ALG14: variants seen among roughly 807,000 people sequenced by gnomAD.
ALG14 encodes UDP-N-acetylglucosamine transferase subunit ALG14.
Under a neutral mutation model 22.8 loss-of-function variants are expected in ALG14, and 17 were observed. The ratio of observed to expected loss-of-function variants is 0.75; its 90% CI spans 0.51 to 1.12. ALG14 has a LOEUF of 1.12. Among genes scored for constraint, ALG14 ranks in the 50% most tolerant of loss-of-function variants. The pLI is 0.00. For synonymous variants in ALG14, 89 were observed against 103.7 expected (o/e 0.86, Z 0.86); for missense variants, 288 against 271.8 (o/e 1.06, Z -0.42).
At chr1:95,005,334 C>T (rs1213232770) in intron 3 of ALG14, among the ~76,000 whole-genome samples, 1 of 149,568 alleles carries the variant, frequency 6.7e-6, no homozygotes, top group African/African-American at 2.6e-5. Flanking sequence ...TTACAACAGC[C>T]AGGTGAACAT....
chr1:94,982,883 T>C lies in ALG14; in HGVS notation c.*193A>G. The C allele has an allele frequency of 1.7e-6, 1 of 577,044 alleles. No individual in the cohort carries two copies. Among genetic ancestry groups the C allele is most frequent in the Non-Finnish European group, 3.0e-6 (1 of 328,330 alleles). The allele number at this position is 577,044 out of a possible 1,614,324, so 35.7% of individuals were successfully genotyped here. On this transcript the variant is annotated 3_prime_UTR_variant, in exon 4 of 4. Transcript: ENST00000370205. Reference sequence around the variant, plus strand: ...GAGGCATAAACATTTAGTAGTTACGTTTATCAATGTTTGTTTCATAAGAGA... The same window carrying C: ...GAGGCATAAACATTTAGTAGTTACGCTTATCAATGTTTGTTTCATAAGAGA...
At chr1:95,053,466 A>G (rs887346541) in intron 2 of ALG14, among the ~76,000 whole-genome samples, 3 of 152,238 alleles carry the variant, frequency 2.0e-5, no homozygotes, top group African/African-American at 7.2e-5. Context: ...GAATGCAAAA[A>G]TATGTACAGA....
At chr1:95,048,292 GT>G (rs1238515989) in intron 2 of ALG14, among the ~76,000 whole-genome samples, 17 of 152,232 alleles carry the variant, frequency 1.1e-4, no homozygotes, top group Admixed American at 5.2e-4. Context: ...AACTTCTATT[GT>G]TGTTTTATAT....
At position 95,025,917 on chromosome 1, in the gene ALG14, C is replaced by T. The variant is rs147656315; in HGVS notation, c.420+1212G>A. 2.9e-3 allele frequency among the ~76,000 whole-genome samples: 442 copies of T among 152,274 alleles called. 7 individuals are homozygous for T. Among genetic ancestry groups the T allele is most frequent in the African/African-American group, 0.01 (421 of 41,558 alleles). ...CTATGTCATGTACTTATCGTGAAAC[C>T]AGTGTGTTCACAGGAGTAGCACTTT... On this transcript the variant is annotated intron_variant, in intron 3 of 3. Coordinates refer to ENST00000370205, the MANE Select transcript of ALG14 (RefSeq NM_144988.4).
At chr1:95,049,765 G>A (rs1392240584) in intron 2 of ALG14, among the ~76,000 whole-genome samples, 1 of 151,894 alleles carries the variant, frequency 6.6e-6, no homozygotes, top group African/African-American at 2.4e-5. Flanking sequence ...CAGCTACTTG[G>A]GGGGCTGAGA....
At chr1:95,040,945 A>G (rs964083331) in intron 2 of ALG14, among the ~76,000 whole-genome samples, 2 of 152,224 alleles carry the variant, frequency 1.3e-5, no homozygotes, top group Non-Finnish European at 2.9e-5. Context: ...ACATGATTTA[A>G]AGAAAGTTTA....
intron 2 of ALG14, among the ~76,000 whole-genome samples, chr1:95,038,716 G>GTTTTTTT (rs71097229): frequency 1.6e-5 from 2 of 121,488 alleles, no homozygotes; most frequent in Non-Finnish European, 3.4e-5. Flanking sequence ...AAACTATAAG[G>GTTTTTTT]TTTTTTTTTT....
chr1:94,996,601 C>T (rs1248544925), intron 3 of ALG14, among the ~76,000 whole-genome samples: 2 of 152,228 alleles, frequency 1.3e-5, no homozygotes, highest in African/African-American at 4.8e-5. Flanking sequence ...GGAGTCATCT[C>T]TTAGAAGGCA....
chr1:95,052,543 C>T (rs570422172), intron 2 of ALG14, among the ~76,000 whole-genome samples: 2 of 152,156 alleles, frequency 1.3e-5, no homozygotes, highest in South Asian at 2.1e-4. Flanking sequence ...TAACTAGTTA[C>T]TCATGTTAAC....
chr1:95,031,728 C>T (rs1674010496), intron 2 of ALG14, among the ~76,000 whole-genome samples: 1 of 150,994 alleles, frequency 6.6e-6, no homozygotes, highest in Non-Finnish European at 1.5e-5. Flanking sequence ...TTTAAAATAA[C>T]ATCTACTATA....
intron 1 of ALG14, 107 bp from the exon 2 acceptor site, chr1:95,065,124 T>G (rs1297883825): frequency 3.3e-6 from 3 of 909,024 alleles, no homozygotes; most frequent in Non-Finnish European, 4.8e-6. Flanking sequence ...GGGGGGGCAC[T>G]GTAATTGTAT....
chr1:95,008,940 C>G (rs1286832136), intron 3 of ALG14, among the ~76,000 whole-genome samples: 1 of 152,074 alleles, frequency 6.6e-6, no homozygotes, highest in Non-Finnish European at 1.5e-5. Flanking sequence ...TTTGTGCTGG[C>G]TTATTACCAT....
intron 3 of ALG14, among the ~76,000 whole-genome samples, chr1:94,988,042 G>A (rs1435598745): frequency 6.6e-6 from 1 of 152,202 alleles, no homozygotes; most frequent in Non-Finnish European, 1.5e-5. Context: ...TGAGCTCCTG[G>A]GGCCATGGAT....
rs535713753 is a variant in ALG14, at chr1:95,072,799, G to T, written c.100C>A (p.Arg34=). 1 of 1,614,090 alleles carries T rather than the reference G, an allele frequency of 6.2e-7. No individual in the cohort carries two copies. The highest frequency in any genetic ancestry group is 2.2e-5 in the East Asian group (1 of 44,870). ...VVLRSMDVTP[R]ESLSILVVAG... Reference sequence around the variant, plus strand: ...ACTACCAAGATACTGAGAGACTCCCGGGGCGTAACGTCCATGGAACGAAGC... The same window carrying T: ...ACTACCAAGATACTGAGAGACTCCCTGGGCGTAACGTCCATGGAACGAAGC... The change falls in exon 1 of 4, where the codon CGG becomes AGG. Residue 34 remains arginine (R), a synonymous_variant. Coordinates refer to ENST00000370205, the MANE Select transcript of ALG14 (RefSeq NM_144988.4).
chr1:94,998,693 C>T (rs1474490725), intron 3 of ALG14, among the ~76,000 whole-genome samples: 1 of 152,180 alleles, frequency 6.6e-6, no homozygotes, highest in Non-Finnish European at 1.5e-5. Context: ...ACTTGGCCTT[C>T]AGACTTTGGG....
chr1:95,070,928 A>G lies in ALG14; in HGVS notation c.136+1835T>C, dbSNP rs538586877. ...TTTATTTATTTATTTTAATGTAGAG[A>G]CAGGGTTTCACTATGTTGCCCAGGC... is the stretch of plus-strand genomic sequence containing the variant. On this transcript the variant is annotated intron_variant, in intron 1 of 3. Transcript: ENST00000370205. Among the ~76,000 whole-genome samples, 27 of 152,138 alleles carry G rather than the reference A, an allele frequency of 1.8e-4. No individual in the cohort carries two copies. In the South Asian group the frequency reaches 4.6e-3, roughly 26 times the overall value.
Position 94,978,180 on chromosome 1 carries a change from A to G in ALG14, c.*4896T>C, listed in dbSNP as rs1327676536. On this transcript the variant is annotated 3_prime_UTR_variant, in exon 4 of 4. Transcript: ENST00000370205. ...CCTGGTTCAAGCAATTATTTGCCTC[A>G]GCCTCCCAAGTAGCTGGAATTACAG... 1 of 151,630 alleles carries G rather than the reference A, an allele frequency of 6.6e-6. No individual in the cohort carries two copies. Among genetic ancestry groups the G allele is most frequent in the Non-Finnish European group, 1.5e-5 (1 of 67,970 alleles). The allele number at this position is 151,630 out of a possible 1,614,324, so 9.4% of individuals were successfully genotyped here.
At chr1:95,058,566 G>A (rs1172757897) in intron 2 of ALG14, among the ~76,000 whole-genome samples, 1 of 145,406 alleles carries the variant, frequency 6.9e-6, no homozygotes. Flanking sequence ...GTAGTGAGCC[G>A]AGATAGCACC....
In ALG14 at chr1:94,981,059, C is replaced by T. The variant is rs1029766056; in HGVS notation, c.*2017G>A. On this transcript the variant is annotated 3_prime_UTR_variant, in exon 4 of 4. Transcript: ENST00000370205. Reference sequence around the variant, plus strand: ...GCATTCACTAAACGCAGTTCACTTTCCCTTACCATTCATTTACCTAGTGCC... The same window carrying T: ...GCATTCACTAAACGCAGTTCACTTTTCCTTACCATTCATTTACCTAGTGCC... 1 of 152,220 alleles carries T rather than the reference C, an allele frequency of 6.6e-6. No individual in the cohort carries two copies. Among genetic ancestry groups the T allele is most frequent in the Admixed American group, 6.5e-5 (1 of 15,280 alleles). The allele number at this position is 152,220 out of a possible 1,614,324, so 9.4% of individuals were successfully genotyped here. A position where few individuals can be genotyped will look rare whatever the true frequency, so the allele number is the denominator to read the frequency against.
Sources: allele counts gnomAD v4.1 joint callset (sites outside exome capture counted in the v4.1 genomes callset), GRCh38; gene constraint gnomAD v4.1.1; transcripts MANE v1.5; gene names NCBI Gene and HGNC (gene_info 2026-07-23, HGNC 2026-07-21).